The following RGS7BP variants were observed in gnomAD, a reference collection of about 807,000 sequenced individuals.
RGS7BP encodes regulator of G protein signaling 7 binding protein, also known as regulator of G protein signaling 7-binding protein.
In RGS7BP, 9 loss-of-function variants were observed where a neutral mutation model predicts 31.3. The ratio of observed to expected loss-of-function variants is 0.29; its 90% confidence interval spans 0.17 to 0.50. The LOEUF is 0.50. RGS7BP is among the 20% of genes least tolerant of loss of function. The pLI, the probability that RGS7BP is intolerant of heterozygous loss-of-function variation, is 0.98. For missense variants in RGS7BP, 274 were observed against 322.0 expected, an observed-to-expected ratio of 0.85 and a Z score of 1.14; for synonymous variants, 115 against 120.1, an observed-to-expected ratio of 0.96 and a Z score of 0.28.
At chr5:64,520,164 T>G (rs1749071619) in intron 2 of RGS7BP, among the ~76,000 whole-genome samples, 1 of 152,174 alleles carries the variant, frequency 6.6e-6, no homozygotes, top group South Asian at 2.1e-4. Flanking sequence ...GGAGCTGGAG[T>G]TTGAACACTG....
chr5:64,595,095 A>G (rs1743030385), intron 4 of RGS7BP, among the ~76,000 whole-genome samples: 1 of 152,196 alleles, frequency 6.6e-6, no homozygotes, highest in Non-Finnish European at 1.5e-5. Context: ...CACCCACAGT[A>G]GGCACAGGCT....
intron 4 of RGS7BP, among the ~76,000 whole-genome samples, chr5:64,598,038 C>G (rs1743121447): frequency 6.6e-6 from 1 of 152,174 alleles, no homozygotes; most frequent in Non-Finnish European, 1.5e-5. Context: ...CTTGGCCTCT[C>G]TTTGCAAATC....
chr5:64,554,599 A>G (rs2111844680), intron 2 of RGS7BP, among the ~76,000 whole-genome samples: 1 of 152,326 alleles, frequency 6.6e-6, no homozygotes, highest in Admixed American at 6.5e-5. Context: ...ATAGTCCAAA[A>G]GCAATACATC....
chr5:64,526,554 C>G (rs886792398), intron 2 of RGS7BP, among the ~76,000 whole-genome samples: 3 of 152,158 alleles, frequency 2.0e-5, no homozygotes, highest in Non-Finnish European at 4.4e-5. Context: ...TTTCCCTAGC[C>G]TCAGCTTACA....
intron 2 of RGS7BP, among the ~76,000 whole-genome samples, chr5:64,568,332 C>T (rs778218671): frequency 4.6e-5 from 7 of 151,752 alleles, no homozygotes; most frequent in Non-Finnish European, 7.4e-5. Context: ...TTTGCCCAAC[C>T]GGAAACCATA....
chr5:64,529,134 G>A (rs760221529), intron 2 of RGS7BP, among the ~76,000 whole-genome samples: 53 of 152,202 alleles, frequency 3.5e-4, no homozygotes, highest in Middle Eastern at 3.4e-3. Flanking sequence ...TTAGAAAAAT[G>A]TACTTTTTTG....
chr5:64,603,181 C>T (rs1234184451), intron 5 of RGS7BP, among the ~76,000 whole-genome samples: 4 of 151,920 alleles, frequency 2.6e-5, no homozygotes, highest in African/African-American at 9.7e-5. Flanking sequence ...TAAGATCTCA[C>T]CTAAAGTCAG....
chr5:64,514,034 A>G (rs1047800132), intron 2 of RGS7BP, among the ~76,000 whole-genome samples: 3 of 152,186 alleles, frequency 2.0e-5, no homozygotes, highest in Admixed American at 2.0e-4. Context: ...GAGGGCTGTG[A>G]GGAAGTATCT....
chr5:64,547,194 A>G (rs996990303), intron 2 of RGS7BP, among the ~76,000 whole-genome samples: 7 of 152,228 alleles, frequency 4.6e-5, no homozygotes, highest in Non-Finnish European at 7.3e-5. Flanking sequence ...GCTGCTATGA[A>G]TATTCTTGTA....
chr5:64,510,637 T>A (rs1748808474), intron 2 of RGS7BP, among the ~76,000 whole-genome samples: 1 of 152,262 alleles, frequency 6.6e-6, no homozygotes, highest in Non-Finnish European at 1.5e-5. Flanking sequence ...CAATACTGTA[T>A]ATTTACTAAA....
chr5:64,574,706 T>C (rs1182929143), intron 2 of RGS7BP, among the ~76,000 whole-genome samples: 1 of 152,222 alleles, frequency 6.6e-6, no homozygotes, highest in Non-Finnish European at 1.5e-5. Flanking sequence ...TGTAATGTGC[T>C]GTGTACACAC....
chr5:64,518,520 C>T (rs1330459444), intron 2 of RGS7BP, among the ~76,000 whole-genome samples: 12 of 152,084 alleles, frequency 7.9e-5, no homozygotes, highest in Admixed American at 7.9e-4. Flanking sequence ...CAAAAAGGCA[C>T]CTCTGAGAAG....
intron 3 of RGS7BP, among the ~76,000 whole-genome samples, chr5:64,587,218 G>C (rs1472820149): frequency 6.6e-6 from 1 of 152,004 alleles, no homozygotes; most frequent in African/African-American, 2.4e-5. Flanking sequence ...AATAGTAAGA[G>C]GAAAAGAAAA....
At chr5:64,597,306 G>GATGCTCTGA (rs1561349127) in intron 4 of RGS7BP, among the ~76,000 whole-genome samples, 1 of 151,906 alleles carries the variant, frequency 6.6e-6, no homozygotes, top group Non-Finnish European at 1.5e-5. Context: ...TCTGAGATGA[G>GATGCTCTGA]GGAAGATATT....
At chr5:64,588,963 A>T (rs1399555904) in intron 3 of RGS7BP, among the ~76,000 whole-genome samples, 1 of 152,222 alleles carries the variant, frequency 6.6e-6, no homozygotes, top group East Asian at 1.9e-4. Flanking sequence ...TTAAAATATT[A>T]GAGTATCTCA....
chr5:64,553,362 G>A (rs1741842643), intron 2 of RGS7BP, among the ~76,000 whole-genome samples: 1 of 151,594 alleles, frequency 6.6e-6, no homozygotes, highest in Admixed American at 6.6e-5. Flanking sequence ...TGTAAAGATG[G>A]GGTTTCACCA....
intron 2 of RGS7BP, among the ~76,000 whole-genome samples, chr5:64,511,215 G>A (rs1748823432): frequency 6.6e-6 from 1 of 152,224 alleles, no homozygotes; most frequent in Non-Finnish European, 1.5e-5. Flanking sequence ...AACTGGCCCT[G>A]TTTAAGAAGG....
intron 2 of RGS7BP, among the ~76,000 whole-genome samples, chr5:64,541,096 T>C (rs1480540300): frequency 6.6e-6 from 1 of 152,120 alleles, no homozygotes; most frequent in Admixed American, 6.6e-5. Flanking sequence ...CTGCAAGCCA[T>C]ATACGAAGCA....
At chr5:64,565,337 A>C (rs1170738318) in intron 2 of RGS7BP, among the ~76,000 whole-genome samples, 1 of 152,084 alleles carries the variant, frequency 6.6e-6, no homozygotes, top group Non-Finnish European at 1.5e-5. Context: ...TTCTCTCTCT[A>C]TATACACATA....
Sources: gnomAD v4.1 joint callset for allele counts (sites outside exome capture counted in the v4.1 genomes callset) on GRCh38, gnomAD v4.1.1 for gene constraint, MANE v1.5 for transcripts, NCBI Gene and HGNC (gene_info 2026-07-23, HGNC 2026-07-21) for gene names.